Variants in GNL3L observed in about 807,000 individuals in gnomAD.
GNL3L encodes the protein guanine nucleotide-binding protein-like 3-like protein.
GNL3L carries 4 observed loss-of-function variants against 42.9 expected under a neutral mutation model. The ratio of observed to expected loss-of-function variants is 0.09; its 90% CI spans 0.05 to 0.21. The LOEUF is 0.21. Ranked by LOEUF, GNL3L falls within the 10% of genes least tolerant of loss-of-function variation. GNL3L has a pLI of 1.00. For synonymous variants in GNL3L, 159 were observed against 176.3 expected (o/e 0.90, Z 0.78); for missense variants, 412 against 481.7 (o/e 0.86, Z 1.36).
At chrX:54,571,359 A>G (rs1925540692), downstream of GNL3L, among the ~76,000 whole-genome samples, 2 of 108,474 alleles carry the variant, frequency 1.8e-5, no homozygotes, top group Admixed American at 2.0e-4. Context: ...ACGCCCGACT[A>G]ATGTTTTTAT....
At chrX:54,541,502 A>T in intron 5 of GNL3L, 113 bp downstream of exon 5, 1 of 358,028 alleles carries the variant, frequency 2.8e-6, no homozygotes. Context: ...GAATCAGTGT[A>T]GAGAGGATAG....
chrX:54,634,310 C>CA, the GNL3L span, among the ~76,000 whole-genome samples: 1 of 109,973 alleles, frequency 9.1e-6, no homozygotes, highest in Non-Finnish European at 1.9e-5. Context: ...TTTTCCTTTC[C>CA]TTTTTTTTGA....
At chrX:54,540,099 A>G (rs1227061663) in intron 3 of GNL3L, 36 bp from the exon 4 acceptor site, 9 of 948,667 alleles carry the variant, frequency 9.5e-6, no homozygotes, top group Non-Finnish European at 1.4e-5. Context: ...CCATGGGTTC[A>G]TTACCTCTGT....
chrX:54,597,955 G>A (rs140707533), intron 16 of GNL3L, among the ~76,000 whole-genome samples: 5,100 of 110,941 alleles, frequency 0.046, 149 homozygotes, highest in Non-Finnish European at 0.075. Flanking sequence ...CTTCAGGACT[G>A]TTTTTGCTAC....
At chrX:54,541,017 C>T (rs1045384447) in intron 4 of GNL3L, among the ~76,000 whole-genome samples, 2 of 111,790 alleles carry the variant, frequency 1.8e-5, no homozygotes, top group African/African-American at 6.5e-5. Context: ...CATCTCTGGT[C>T]TTAAGTGGTT....
chrX:54,623,934 C>G (rs1290013738), downstream of GNL3L, among the ~76,000 whole-genome samples: 1 of 93,878 alleles, frequency 1.1e-5, no homozygotes, highest in Non-Finnish European at 2.0e-5. Flanking sequence ...TTTTTTTTTT[C>G]CCTTGAGACA....
chrX:54,540,058 A>C, intron 3 of GNL3L, 77 bp from the exon 4 acceptor site: 1 of 599,209 alleles, frequency 1.7e-6, no homozygotes, highest in Admixed American at 2.6e-5. Flanking sequence ...TCTTCCTTCT[A>C]GGGCTTCTTG....
At chrX:54,606,527 A>G (rs1430251920) in intron 16 of GNL3L, among the ~76,000 whole-genome samples, 1 of 110,761 alleles carries the variant, frequency 9.0e-6, no homozygotes, top group Non-Finnish European at 1.9e-5. Flanking sequence ...GCAGACTGGA[A>G]TGCAGTGGTG....
Position 54,544,187 on chromosome X carries a change from G to A in GNL3L, c.527-36G>A. On this transcript the variant is annotated intron_variant, in intron 7 of 15. Transcript: ENST00000360845. ...GAGGGAACCATGGAGGTGTTGTTCT[G>A]CTTACCAGCCCCATCTGTTCCTATA... 4 of 807,607 alleles carry A rather than the reference G, an allele frequency of 5.0e-6. No homozygotes were observed. In the Middle Eastern group the frequency reaches 8.4e-4, roughly 169 times the overall value. 66.6% of individuals were successfully genotyped at this position (807,607 alleles called of 1,213,427 possible). A position where few individuals can be genotyped will look rare whatever the true frequency, so the allele number is the denominator to read the frequency against.
chrX:54,602,934 A>T (rs1926020441), intron 16 of GNL3L, among the ~76,000 whole-genome samples: 1 of 112,154 alleles, frequency 8.9e-6, no homozygotes, highest in South Asian at 3.7e-4. Flanking sequence ...GTGTTGTTAA[A>T]TCCTAAGCAG....
At position 54,565,495 on chromosome X, in the gene GNL3L, T is replaced by A. The variant is rs746942848; in HGVS notation, c.*4893T>A. On this transcript the variant is annotated 3_prime_UTR_variant, in exon 16 of 16. Transcript: ENST00000360845. ...TTAGTTTTTTAATTTTTAAATTTTT[T>A]AATTTTTTTAATACATTTAAATAGA... is the stretch of plus-strand genomic sequence containing the variant. Among the ~76,000 whole-genome samples the A allele has an allele frequency of 2.7e-5, 3 of 111,433 alleles. No homozygotes were observed. The highest frequency in any genetic ancestry group is 2.8e-4 in the East Asian group (1 of 3,548).
rs1924677187 is a variant in GNL3L, at chrX:54,543,132, T to A, written c.391-75T>A. 7.9e-6 allele frequency: 9 copies of A among 1,136,530 alleles called. No homozygotes were observed. In the Admixed American group the frequency reaches 2.0e-4, roughly 25 times the overall value. The allele number at this position is 1,136,530 out of a possible 1,213,427, so 93.7% of individuals were successfully genotyped here. A position where few individuals can be genotyped will look rare whatever the true frequency, so the allele number is the denominator to read the frequency against. Reference sequence around the variant, plus strand: ...TGTTTTTTCCTGACTGAGATGGAGATTTTTGTTTCACAGGCCTGCATCACT... The same window carrying A: ...TGTTTTTTCCTGACTGAGATGGAGAATTTTGTTTCACAGGCCTGCATCACT... On this transcript the variant is annotated intron_variant, in intron 6 of 15. Coordinates refer to ENST00000360845, the MANE Select transcript of GNL3L (RefSeq NM_001184819.2).
chrX:54,592,838 T>G (rs2147521867), intron 16 of GNL3L, among the ~76,000 whole-genome samples: 1 of 110,495 alleles, frequency 9.1e-6, no homozygotes, highest in East Asian at 2.9e-4. Context: ...CAAAAAGATG[T>G]TGAATTTTAT....
chrX:54,617,072 G>A (rs1220435702), intron 16 of GNL3L, among the ~76,000 whole-genome samples: 1 of 111,967 alleles, frequency 8.9e-6, no homozygotes, highest in African/African-American at 3.3e-5. Flanking sequence ...CCAAGAAGGA[G>A]GCTGTTCTTT....
intron 7 of GNL3L, among the ~76,000 whole-genome samples, chrX:54,543,734 C>T (rs1215737861): frequency 8.9e-6 from 1 of 111,850 alleles, no homozygotes; most frequent in Non-Finnish European, 1.9e-5. Context: ...CCTCCAAGAG[C>T]TCCTGTTTCT....
rs763360669 is a variant in GNL3L, at chrX:54,543,373, G to A, written c.526+31G>A. 22 of 1,198,660 alleles carry A rather than the reference G, an allele frequency of 1.8e-5. No homozygotes were observed. The Admixed American group carries it at 4.4e-4, about 24-fold the overall frequency. Reference sequence around the variant, plus strand: ...TGTTAGGCAGGATTGGGTGTGACAGGGAAGGTGGGCAGGCCATCTTTAACG... The same window carrying A: ...TGTTAGGCAGGATTGGGTGTGACAGAGAAGGTGGGCAGGCCATCTTTAACG... On this transcript the variant is annotated intron_variant, in intron 7 of 15. Transcript: ENST00000360845.
At chrX:54,559,083 G>A (rs1163921530) in intron 15 of GNL3L, among the ~76,000 whole-genome samples, 1 of 111,955 alleles carries the variant, frequency 8.9e-6, no homozygotes, top group Non-Finnish European at 1.9e-5. Flanking sequence ...ACTTCAGCTC[G>A]CATCAGGATT....
At chrX:54,632,709 T>A in the GNL3L span, among the ~76,000 whole-genome samples, 1 of 112,217 alleles carries the variant, frequency 8.9e-6, no homozygotes, top group African/African-American at 3.2e-5. Context: ...TTTTCACTTT[T>A]CTCTGGTGCC....
chrX:54,624,432 C>CT (rs1198563336), downstream of GNL3L, among the ~76,000 whole-genome samples: 1 of 90,096 alleles, frequency 1.1e-5, no homozygotes, highest in Non-Finnish European at 2.1e-5. Context: ...TTTTTTTTTT[C>CT]TTTTTCTTTT....
Sources: gnomAD v4.1 joint callset for allele counts (sites outside exome capture counted in the v4.1 genomes callset) on GRCh38, gnomAD v4.1.1 for gene constraint, MANE v1.5 for transcripts, NCBI Gene and HGNC (gene_info 2026-07-23, HGNC 2026-07-21) for gene names.